The following MB21D2 variants were observed in gnomAD, a reference collection of about 807,000 sequenced individuals.
MB21D2 encodes nucleotidyltransferase MB21D2.
A neutral mutation model predicts 33.3 loss-of-function variants in MB21D2; 9 were observed. The ratio of observed to expected loss-of-function variants is 0.27; its 90% confidence interval spans 0.16 to 0.47. MB21D2 has a LOEUF of 0.47. MB21D2 is among the 20% of genes least tolerant of loss of function. MB21D2 has a pLI of 0.99. For synonymous variants in MB21D2, 241 were observed against 236.3 expected (o/e 1.02, Z -0.18); for missense variants, 540 against 624.6 (o/e 0.86, Z 1.44).
intron 1 of MB21D2, among the ~76,000 whole-genome samples, chr3:192,813,954 T>G (rs1380956609): frequency 6.6e-6 from 1 of 152,198 alleles, no homozygotes; most frequent in Non-Finnish European, 1.5e-5. Context: ...GAAAAATAAC[T>G]TGTCTTTAAG....
At chr3:192,908,012 A>G (rs73888010) in intron 1 of MB21D2, among the ~76,000 whole-genome samples, 3,411 of 152,314 alleles carry the variant, frequency 0.022, 114 homozygotes, top group African/African-American at 0.077. Flanking sequence ...CACTATGGAC[A>G]TTTCTTATAT....
chr3:192,877,522 C>G (rs994289113), intron 1 of MB21D2, among the ~76,000 whole-genome samples: 4 of 152,214 alleles, frequency 2.6e-5, no homozygotes, highest in Non-Finnish European at 5.9e-5. Context: ...TCGCGTATAT[C>G]AACTCATCCA....
chr3:192,812,352 T>C (rs957661791), intron 1 of MB21D2, among the ~76,000 whole-genome samples: 1 of 151,996 alleles, frequency 6.6e-6, no homozygotes, highest in African/African-American at 2.4e-5. Context: ...TTTTTTAGTG[T>C]AGTGTTTACA....
intron 1 of MB21D2, among the ~76,000 whole-genome samples, chr3:192,891,467 TA>T (rs1713853040): frequency 6.6e-6 from 1 of 152,138 alleles, no homozygotes; most frequent in Admixed American, 6.5e-5. Flanking sequence ...TCCAAGCTGG[TA>T]AAAGAAAGGC....
intron 1 of MB21D2, among the ~76,000 whole-genome samples, chr3:192,873,864 G>A (rs1192904089): frequency 2.6e-5 from 4 of 152,058 alleles, no homozygotes; most frequent in Non-Finnish European, 5.9e-5. Flanking sequence ...CACCACGCCT[G>A]GTAATTGTTG....
intron 1 of MB21D2, among the ~76,000 whole-genome samples, chr3:192,876,654 C>T (rs1451594208): frequency 2.0e-5 from 3 of 152,162 alleles, no homozygotes; most frequent in Non-Finnish European, 4.4e-5. Context: ...GCCCCTGTTC[C>T]CTCTCAATTC....
At chr3:192,889,980 A>G (rs1713814072) in intron 1 of MB21D2, among the ~76,000 whole-genome samples, 1 of 152,130 alleles carries the variant, frequency 6.6e-6, no homozygotes, top group South Asian at 2.1e-4. Flanking sequence ...TTCACTGTGA[A>G]GGACAGATTT....
chr3:192,888,179 T>C (rs1232416447), intron 1 of MB21D2, among the ~76,000 whole-genome samples: 2 of 152,034 alleles, frequency 1.3e-5, no homozygotes, highest in Non-Finnish European at 2.9e-5. Context: ...AAAAACCTCC[T>C]AGCAATCAGC....
chr3:192,905,460 A>T (rs1169177832), intron 1 of MB21D2, among the ~76,000 whole-genome samples: 1 of 151,822 alleles, frequency 6.6e-6, no homozygotes, highest in Non-Finnish European at 1.5e-5. Flanking sequence ...AACATGGTGA[A>T]ACCCCATCTA....
intron 1 of MB21D2, among the ~76,000 whole-genome samples, chr3:192,911,500 G>C (rs991967498): frequency 6.6e-6 from 1 of 152,196 alleles, no homozygotes; most frequent in Non-Finnish European, 1.5e-5. Context: ...AGAACATCAA[G>C]CCTAACACAG....
chr3:192,867,151 G>C (rs1713188473), intron 1 of MB21D2, among the ~76,000 whole-genome samples: 4 of 152,098 alleles, frequency 2.6e-5, no homozygotes, highest in Non-Finnish European at 4.4e-5. Flanking sequence ...GAGGAGTATT[G>C]GGTAGAGGGA....
At chr3:192,817,234 C>T (rs1711947491) in intron 1 of MB21D2, among the ~76,000 whole-genome samples, 1 of 152,180 alleles carries the variant, frequency 6.6e-6, no homozygotes, top group Non-Finnish European at 1.5e-5. Context: ...GTGTTTGAGT[C>T]ACCCCTTTAT....
intron 1 of MB21D2, among the ~76,000 whole-genome samples, chr3:192,870,723 A>AGG (rs1713274778): frequency 1.5e-5 from 2 of 129,876 alleles, no homozygotes; most frequent in African/African-American, 3.6e-5. Flanking sequence ...AAAAAAAGGA[A>AGG]GGAGAGAAGA....
intron 1 of MB21D2, among the ~76,000 whole-genome samples, chr3:192,881,076 A>G (rs1713556412): frequency 6.6e-6 from 1 of 152,110 alleles, no homozygotes; most frequent in South Asian, 2.1e-4. Flanking sequence ...CACAGTAATT[A>G]TCTCTAGGTG....
intron 1 of MB21D2, among the ~76,000 whole-genome samples, chr3:192,819,790 C>T (rs534028846): frequency 1.3e-4 from 20 of 152,336 alleles, no homozygotes; most frequent in Admixed American, 8.5e-4. Context: ...ACTGTACTCA[C>T]TTGTTCAACT....
At chr3:192,887,356 G>A (rs1370566311) in intron 1 of MB21D2, among the ~76,000 whole-genome samples, 1 of 152,052 alleles carries the variant, frequency 6.6e-6, no homozygotes, top group Non-Finnish European at 1.5e-5. Flanking sequence ...GAAAAAAGAC[G>A]TTGCTTAATA....
chr3:192,806,543 A>C (rs936471873), intron 1 of MB21D2, among the ~76,000 whole-genome samples: 4 of 152,194 alleles, frequency 2.6e-5, no homozygotes, highest in Non-Finnish European at 5.9e-5. Flanking sequence ...CAAATGAAAG[A>C]TCCTATCTTA....
At chr3:192,820,036 G>A (rs998699742) in intron 1 of MB21D2, among the ~76,000 whole-genome samples, 3 of 152,258 alleles carry the variant, frequency 2.0e-5, no homozygotes, top group Non-Finnish European at 4.4e-5. Flanking sequence ...AGTAAGTTGG[G>A]TGGAATACAT....
rs879337566 is a variant in MB21D2, at chr3:192,841,177, C to T, written c.212-41527G>A. Among the ~76,000 whole-genome samples, 3 of 152,316 alleles carry T rather than the reference C, an allele frequency of 2.0e-5. No homozygotes were observed. In the South Asian group the frequency reaches 6.2e-4, roughly 32 times the overall value. ...CTTTGGATGAAGTAAGGGAACCACA[C>T]AGTCAATGAGACCAGCCTGCAAACT... On this transcript the variant is annotated intron_variant, in intron 1 of 1. Transcript: ENST00000392452.
Sources: allele counts gnomAD v4.1 joint callset (sites outside exome capture counted in the v4.1 genomes callset), GRCh38; gene constraint gnomAD v4.1.1; transcripts MANE v1.5; gene names NCBI Gene and HGNC (gene_info 2026-07-23, HGNC 2026-07-21).